BFSP2: variants seen among roughly 807,000 people sequenced by gnomAD.
BFSP2 encodes the protein beaded filament structural protein 2.
A neutral mutation model predicts 44.9 loss-of-function variants in BFSP2; 38 were observed. That is an observed-to-expected ratio of 0.85 (90% CI 0.65 to 1.11). The LOEUF (loss-of-function observed/expected upper bound fraction) is 1.11. BFSP2 is among the 50% of genes least tolerant of loss of function. The pLI, the probability that BFSP2 is intolerant of heterozygous loss-of-function variation, is 0.00. For missense variants in BFSP2, 525 were observed against 533.0 expected, an observed-to-expected ratio of 0.99 and a Z score of 0.15; for synonymous variants, 197 against 209.9, an observed-to-expected ratio of 0.94 and a Z score of 0.53.
At chr3:133,468,810 C>T (rs189433426) in intron 5 of BFSP2, among the ~76,000 whole-genome samples, 112 of 152,244 alleles carry the variant, frequency 7.4e-4, no homozygotes, top group African/African-American at 2.5e-3. Context: ...ATTGAGAAAG[C>T]GATTGTGGAG....
intron 1 of BFSP2, among the ~76,000 whole-genome samples, chr3:133,432,118 C>T (rs1290372416): frequency 1.3e-5 from 2 of 152,210 alleles, no homozygotes; most frequent in East Asian, 3.9e-4. Flanking sequence ...TCCCATCCCA[C>T]AGCACGCTTT....
intron 1 of BFSP2, among the ~76,000 whole-genome samples, chr3:133,404,552 A>G (rs1477185300): frequency 6.6e-6 from 1 of 152,204 alleles, no homozygotes; most frequent in Non-Finnish European, 1.5e-5. Context: ...TGGGGTATGC[A>G]CATGCCCAGA....
At chr3:133,414,729 T>TACCCCTGCCCCCTCCCCTCTACTC (rs1559959254) in intron 1 of BFSP2, among the ~76,000 whole-genome samples, 4 of 102,888 alleles carry the variant, frequency 3.9e-5, no homozygotes, top group Non-Finnish European at 6.1e-5. Context: ...CCCCTCTACT[T>TACCCCTGCCCCCTCCCCTCTACTC]ACCCCTGCCA....
At chr3:133,420,874 G>C (rs2073586814) in intron 1 of BFSP2, among the ~76,000 whole-genome samples, 1 of 152,198 alleles carries the variant, frequency 6.6e-6, no homozygotes, top group Admixed American at 6.5e-5. Context: ...CTCTCCCCCA[G>C]AGTCTATCTT....
chr3:133,435,527 A>C (rs560163482), intron 1 of BFSP2, among the ~76,000 whole-genome samples: 1 of 152,334 alleles, frequency 6.6e-6, no homozygotes, highest in South Asian at 2.1e-4. Context: ...TTGGTCTCAC[A>C]TGTTTAAAAT....
At chr3:133,449,868 GAC>G (rs1312666571) in intron 3 of BFSP2, among the ~76,000 whole-genome samples, 1 of 151,514 alleles carries the variant, frequency 6.6e-6, no homozygotes, top group Non-Finnish European at 1.5e-5. Context: ...CAGCCTGGGT[GAC>G]AGAGTGAGAC....
intron 1 of BFSP2, chr3:133,410,698 T>C: frequency 3.9e-6 from 1 of 255,324 alleles, no homozygotes. Flanking sequence ...CAGGAGTCCG[T>C]GGGCGGACAG....
chr3:133,453,293 A>G (rs1351809846), intron 4 of BFSP2, among the ~76,000 whole-genome samples: 1 of 152,250 alleles, frequency 6.6e-6, no homozygotes, highest in Admixed American at 6.5e-5. Flanking sequence ...ATGGCTTAGC[A>G]CACACAGCTT....
At chr3:133,464,392 T>A (rs2074090622) in intron 4 of BFSP2, among the ~76,000 whole-genome samples, 1 of 152,206 alleles carries the variant, frequency 6.6e-6, no homozygotes, top group Admixed American at 6.5e-5. Flanking sequence ...GTGCCTCAGT[T>A]TCCTATGAGG....
chr3:133,411,899 T>A lies in BFSP2; in HGVS notation c.489+11327T>A, dbSNP rs185009531. Reference sequence around the variant, plus strand: ...CAGTAAAAGAGACTAAATTAACATATCAGCCCATCAAAATGGGCTTTATTT... The same window carrying A: ...CAGTAAAAGAGACTAAATTAACATAACAGCCCATCAAAATGGGCTTTATTT... On this transcript the variant is annotated intron_variant, in intron 1 of 6. Transcript: ENST00000302334. 4.7e-4 allele frequency among the ~76,000 whole-genome samples: 71 copies of A among 152,316 alleles called. 1 individual carries two copies. Among genetic ancestry groups the A allele is most frequent in the African/African-American group, 1.4e-3 (59 of 41,574 alleles).
intron 1 of BFSP2, among the ~76,000 whole-genome samples, chr3:133,434,074 A>G (rs1432021602): frequency 6.6e-6 from 1 of 152,164 alleles, no homozygotes; most frequent in Non-Finnish European, 1.5e-5. Context: ...TCTCCAAGCC[A>G]TCACAGCTGA....
At chr3:133,428,918 GATTTT>G (rs1162458285) in intron 1 of BFSP2, among the ~76,000 whole-genome samples, 4 of 152,134 alleles carry the variant, frequency 2.6e-5, no homozygotes, top group African/African-American at 9.7e-5. Context: ...TTTCCAAGTT[GATTTT>G]ATTTATGCGA....
intron 6 of BFSP2, among the ~76,000 whole-genome samples, chr3:133,474,395 A>G (rs1309219508): frequency 6.6e-6 from 1 of 152,220 alleles, no homozygotes; most frequent in Non-Finnish European, 1.5e-5. Flanking sequence ...TGCTCTCTCC[A>G]ACTGTGTAAC....
intron 1 of BFSP2, among the ~76,000 whole-genome samples, chr3:133,420,785 G>A (rs1559962166): frequency 6.6e-6 from 1 of 152,148 alleles, no homozygotes; most frequent in Non-Finnish European, 1.5e-5. Flanking sequence ...GTGACTTTAG[G>A]AGCAGGGCCC....
At chr3:133,448,408 T>G in intron 2 of BFSP2, 81 bp from the exon 3 acceptor site, 1 of 1,520,670 alleles carries the variant, frequency 6.6e-7, no homozygotes, top group Non-Finnish European at 9.1e-7. Flanking sequence ...ATCACATAAT[T>G]GGCCTGTTGG....
chr3:133,413,665 AC>A (rs1436535908), intron 1 of BFSP2, among the ~76,000 whole-genome samples: 1 of 152,036 alleles, frequency 6.6e-6, no homozygotes, highest in East Asian at 1.9e-4. Flanking sequence ...CTGGTTGTAA[AC>A]GAGCTAGTAG....
At chr3:133,443,480 G>A (rs772952919) in intron 1 of BFSP2, among the ~76,000 whole-genome samples, 1 of 152,196 alleles carries the variant, frequency 6.6e-6, no homozygotes, top group Non-Finnish European at 1.5e-5. Context: ...GTAGGAGGAA[G>A]TCCAGAGAGA....
chr3:133,458,627 G>A (rs1277339982), intron 4 of BFSP2, among the ~76,000 whole-genome samples: 1 of 152,146 alleles, frequency 6.6e-6, no homozygotes, highest in Non-Finnish European at 1.5e-5. Flanking sequence ...CCCAGGAGGT[G>A]GAGGATTGCA....
intron 1 of BFSP2, among the ~76,000 whole-genome samples, chr3:133,424,217 T>TGTGTGTGTGTGTGTGTGTGTGTG (rs879790985): frequency 2.0e-5 from 2 of 99,122 alleles, no homozygotes; most frequent in Non-Finnish European, 4.0e-5. Context: ...AGCTAATTTT[T>TGTGTGTGTGTGTGTGTGTGTGTG]TTTTTTTTTT....
Sources: gnomAD v4.1 joint callset for allele counts (sites outside exome capture counted in the v4.1 genomes callset) on GRCh38, gnomAD v4.1.1 for gene constraint, MANE v1.5 for transcripts, NCBI Gene and HGNC (gene_info 2026-07-23, HGNC 2026-07-21) for gene names.